Variants in FAM199X observed in about 807,000 individuals in gnomAD.
FAM199X encodes the protein protein FAM199X.
In FAM199X, 4 loss-of-function variants were observed where a neutral mutation model predicts 22.9. The observed-to-expected ratio is 0.17, with a 90% CI of 0.09 to 0.40. The LOEUF (loss-of-function observed/expected upper bound fraction) is 0.40, where lower values mean the gene tolerates loss of function less well. Among genes scored for constraint, FAM199X ranks in the 10% least tolerant of loss-of-function variants. FAM199X has a pLI of 1.00. For synonymous variants in FAM199X, 101 were observed against 112.3 expected, an observed-to-expected ratio of 0.90 and a Z score of 0.64; for missense variants, 183 against 306.8, an observed-to-expected ratio of 0.60 and a Z score of 3.01.
At chrX:104,186,665 C>T (rs1556379218) in intron 4 of FAM199X, 44 bp downstream of exon 4, 7 of 1,075,338 alleles carry the variant, frequency 6.5e-6, no homozygotes, top group Admixed American at 5.4e-5. Context: ...AAAAATACCA[C>T]CATCTTATAA....
At chrX:104,163,095 TACACACACACACACACAC>T (rs35140355), upstream of FAM199X, among the ~76,000 whole-genome samples, 31 of 95,418 alleles carry the variant, frequency 3.2e-4, no homozygotes, top group South Asian at 3.6e-3. Context: ...CTCAGCTAAA[TACACACACACACACACAC>T]ACACACACAC....
intron 2 of FAM199X, among the ~76,000 whole-genome samples, chrX:104,176,335 T>G (rs186816343): frequency 8.9e-6 from 1 of 112,407 alleles, no homozygotes; most frequent in Non-Finnish European, 1.9e-5. Context: ...TCTTGTGGCA[T>G]ATATACCATG....
In FAM199X at chrX:104,193,049, T is replaced by G. The variant is rs1381670321; in HGVS notation, c.*3271T>G. The G allele has an allele frequency of 8.9e-6, 1 of 111,756 alleles. No individual in the cohort carries two copies. Among genetic ancestry groups the G allele is most frequent in the Non-Finnish European group, 1.9e-5 (1 of 52,986 alleles). The allele number at this position is 111,756 out of a possible 1,213,427, so 9.2% of individuals were successfully genotyped here. A position where few individuals can be genotyped will look rare whatever the true frequency, so the allele number is the denominator to read the frequency against. On this transcript the variant is annotated 3_prime_UTR_variant, in exon 6 of 6. Coordinates refer to ENST00000493442, the MANE Select transcript of FAM199X (RefSeq NM_207318.4). ...GGTTCTCCAGCAGAGACTTTTTGTT[T>G]GTGGCTTACTCTGTATAGCCTCATG...
Position 104,166,973 on chromosome X carries a change from A to G in FAM199X, c.188A>G (p.His63Arg). ...CGCACCGACCCGCTCCACCGCTTCC[A>G]CACCAACAGGTACGAACTGCACCTG... ...CHRTDPLHRFHTNRWNLTSCG... is the reference protein window; with the variant it reads ...CHRTDPLHRFRTNRWNLTSCG... Residue 63 changes from histidine (H) to arginine (R), a missense_variant, in exon 1 of 6, where the codon CAC (histidine) becomes CGC (arginine). By Grantham distance (29) the His-to-Arg change is conservative. This residue lies in a region of FAM199X where 55 missense variants were observed against 60.6 expected (regional missense o/e 0.91). Coordinates refer to ENST00000493442, the MANE Select transcript of FAM199X (RefSeq NM_207318.4). The G allele has an allele frequency of 1.7e-6, 2 of 1,163,712 alleles. No individual in the cohort carries two copies. The highest frequency in any genetic ancestry group is 2.3e-6 in the Non-Finnish European group (2 of 869,347).
At chrX:104,167,348 T>A (rs1921236210) in intron 1 of FAM199X, among the ~76,000 whole-genome samples, 1 of 101,286 alleles carries the variant, frequency 9.9e-6, no homozygotes, top group African/African-American at 3.6e-5. Flanking sequence ...GTTTAACCCC[T>A]TCCATTTCCG....
At chrX:104,164,974 T>C (rs184093381), upstream of FAM199X, among the ~76,000 whole-genome samples, 206 of 112,657 alleles carry the variant, frequency 1.8e-3, 1 homozygote, top group Middle Eastern at 4.6e-3. Context: ...TGCATTATCA[T>C]GCAGCACTTG....
At chrX:104,177,930 A>G (rs1218797545) in intron 2 of FAM199X, among the ~76,000 whole-genome samples, 2 of 111,890 alleles carry the variant, frequency 1.8e-5, no homozygotes, top group African/African-American at 3.2e-5. Context: ...CTTTGACACC[A>G]AAGTTTTTAA....
rs1921654906 is a variant in FAM199X at position 104,181,615 on chromosome X, C to T, written c.418-4451C>T. 2.7e-5 allele frequency among the ~76,000 whole-genome samples: 3 copies of T among 112,143 alleles called. No homozygotes were observed. In the South Asian group the frequency reaches 1.1e-3, roughly 41 times the overall value. On this transcript the variant is annotated intron_variant, in intron 2 of 5. Transcript: ENST00000493442. ...AAAGGACACTTGTGCTTGCTTCTCC[C>T]GTTATCACTACAAACTCTTTATATC...
Position 104,166,479 on chromosome X carries a change from G to GGGGCGGGCCT in FAM199X, c.-304_-295dup, listed in dbSNP as rs1556373883. On this transcript the variant is annotated 5_prime_UTR_variant, in exon 1 of 6. Transcript: ENST00000493442. ...GTCGCAAGCGGCGAGCGCAGTGGGC[G>GGGGCGGGCCT]GGGCGGGCCTGGCCGGGCCGGGCGG... 1 of 157,852 alleles carries GGGGCGGGCCT rather than the reference G, an allele frequency of 6.3e-6. No individual in the cohort carries two copies. The highest frequency in any genetic ancestry group is 3.1e-5 in the African/African-American group (1 of 32,591). The allele number at this position is 157,852 out of a possible 1,213,427, so 13.0% of individuals were successfully genotyped here.
At chrX:104,169,667 G>A (rs1345214694) in intron 1 of FAM199X, among the ~76,000 whole-genome samples, 5 of 111,385 alleles carry the variant, frequency 4.5e-5, no homozygotes, top group Non-Finnish European at 9.4e-5. Context: ...TCCTGGGTTC[G>A]AGCGATTCTC....
Position 104,192,970 on chromosome X carries a change from A to T in FAM199X, c.*3192A>T, listed in dbSNP as rs1556380787. 2 of 111,847 alleles carry T rather than the reference A, an allele frequency of 1.8e-5. No individual in the cohort carries two copies. The highest frequency in any genetic ancestry group is 6.5e-5 in the African/African-American group (2 of 30,885). The allele number at this position is 111,847 out of a possible 1,213,427, so 9.2% of individuals were successfully genotyped here. ...TATAAAATATAGCAAATGTCTTCAT[A>T]TTTTAGCCAGAAATATTAGTACACA... On this transcript the variant is annotated 3_prime_UTR_variant, in exon 6 of 6. Coordinates refer to ENST00000493442, the MANE Select transcript of FAM199X (RefSeq NM_207318.4).
chrX:104,169,281 A>C (rs1191916719), intron 1 of FAM199X, among the ~76,000 whole-genome samples: 6 of 112,255 alleles, frequency 5.3e-5, no homozygotes, highest in Non-Finnish European at 1.1e-4. Context: ...CAAATAGTTG[A>C]GTGCTGAAAT....
chrX:104,168,093 C>G (rs1921259646), intron 1 of FAM199X, among the ~76,000 whole-genome samples: 1 of 111,931 alleles, frequency 8.9e-6, no homozygotes, highest in African/African-American at 3.2e-5. Context: ...TGAGCTTCTA[C>G]CAGATACAAG....
chrX:104,188,400 G>A (rs1365989797), intron 5 of FAM199X, 94 bp downstream of exon 5: 1 of 1,038,859 alleles, frequency 9.6e-7, no homozygotes, highest in African/African-American at 1.8e-5. Flanking sequence ...TGATCCTGCT[G>A]TCTAGTTGCC....
At chrX:104,167,647 A>G (rs1469701819) in intron 1 of FAM199X, among the ~76,000 whole-genome samples, 3 of 110,500 alleles carry the variant, frequency 2.7e-5, no homozygotes, top group African/African-American at 6.6e-5. Flanking sequence ...ATTCCTTCAT[A>G]TGACATATCC....
upstream of FAM199X, among the ~76,000 whole-genome samples, chrX:104,163,095 T>TACACACACACAC (rs35140355): frequency 3.0e-4 from 29 of 95,430 alleles, no homozygotes; most frequent in African/African-American, 1.1e-3. Flanking sequence ...CTCAGCTAAA[T>TACACACACACAC]ACACACACAC....
chrX:104,180,581 T>C (rs1307410054), intron 2 of FAM199X, among the ~76,000 whole-genome samples: 1 of 111,046 alleles, frequency 9.0e-6, no homozygotes, highest in Non-Finnish European at 1.9e-5. Context: ...AGAACAAAAA[T>C]CAGACCTGCC....
At position 104,189,648 on chromosome X, in the gene FAM199X, G is replaced by A. The variant is rs782702516; in HGVS notation, c.1037G>A (p.Arg346His). The change falls in exon 6 of 6, where the codon CGC (arginine) becomes CAC (histidine). Residue 346 changes from arginine (R) to histidine (H), a missense_variant. Physicochemically the swap from Arg to His is conservative, Grantham distance 29 (BLOSUM62 0). This residue lies in a region of FAM199X where 128 missense variants were observed against 246.2 expected (regional missense o/e 0.52). Coordinates refer to ENST00000493442, the MANE Select transcript of FAM199X (RefSeq NM_207318.4). ...CGGAAGTTACAGCAGAAGGCCTTCC[G>A]CAAGAGGCAGCTGAAGGAGCAGAGG... ...KQRKLQQKAF[R>H]KRQLKEQRQA... 7 of 1,211,741 alleles carry A rather than the reference G, an allele frequency of 5.8e-6. No individual in the cohort carries two copies. Among genetic ancestry groups the A allele is most frequent in the East Asian group, 3.0e-5 (1 of 33,857 alleles).
Position 104,186,512 on chromosome X carries a change from G to A in FAM199X, c.620G>A (p.Arg207Gln), listed in dbSNP as rs782630711. ...SRKVSTEMGLREQLDIIKIID... is the reference protein window; with the variant it reads ...SRKVSTEMGLQEQLDIIKIID... ...AAAGTGAGTACTGAGATGGGTCTTC[G>A]GGAGCAACTTGATATTATTAAGATC... is the stretch of plus-strand genomic sequence containing the variant. Residue 207 changes from arginine to glutamine, a missense_variant, in exon 4 of 6, where the codon CGG becomes CAG. Coordinates refer to ENST00000493442, the MANE Select transcript of FAM199X (RefSeq NM_207318.4). 1.7e-6 allele frequency: 2 copies of A among 1,209,931 alleles called. No individual in the cohort carries two copies. The highest frequency in any genetic ancestry group is 2.2e-6 in the Non-Finnish European group (2 of 894,252).
Sources: allele counts gnomAD v4.1 joint callset (sites outside exome capture counted in the v4.1 genomes callset), GRCh38; gene constraint gnomAD v4.1.1; regional missense constraint gnomAD v4.1.1; transcripts MANE v1.5; gene names NCBI Gene and HGNC (gene_info 2026-07-23, HGNC 2026-07-21).